The following APOO variants were observed in gnomAD, a reference collection of about 807,000 sequenced individuals.
APOO encodes MICOS complex subunit MIC26.
APOO carries 11 observed loss-of-function variants against 23.1 expected under a neutral mutation model. The observed-to-expected ratio is 0.48, with a 90% CI of 0.30 to 0.79. The LOEUF is 0.79. Among genes scored for constraint, APOO ranks in the 30% least tolerant of loss-of-function variants. The pLI is 0.07. For missense variants in APOO, 160 were observed against 142.7 expected (o/e 1.12, Z -0.62); for synonymous variants, 59 against 54.8 (o/e 1.08, Z -0.34).
intron 4 of APOO, among the ~76,000 whole-genome samples, chrX:23,869,442 G>C (rs1925498533): frequency 9.2e-6 from 1 of 109,169 alleles, no homozygotes; most frequent in African/African-American, 3.3e-5. Context: ...TTTGCTGCTT[G>C]CTCTCTGAAA....
chrX:23,907,714 CG>C lies in APOO; in HGVS notation c.-13del. On this transcript the variant is annotated 5_prime_UTR_variant, in exon 1 of 9. Coordinates refer to ENST00000379226, the MANE Select transcript of APOO (RefSeq NM_024122.5). Reference sequence around the variant, plus strand: ...CTCACCTTGAACATGTCGCTGGCAGCGGAGGCTCCGGCAGGGTCACCCCGGC... The same window carrying C: ...CTCACCTTGAACATGTCGCTGGCAGCGAGGCTCCGGCAGGGTCACCCCGGC... 1 of 1,159,617 alleles carries C rather than the reference CG, an allele frequency of 8.6e-7. No homozygotes were observed.
chrX:23,838,908 T>C (rs1025287144), intron 8 of APOO, among the ~76,000 whole-genome samples: 3 of 112,106 alleles, frequency 2.7e-5, no homozygotes. Context: ...ATTTACCTAA[T>C]TTCCCTTTAT....
intron 7 of APOO, among the ~76,000 whole-genome samples, chrX:23,845,029 A>G (rs930144516): frequency 3.6e-5 from 4 of 111,546 alleles, no homozygotes; most frequent in African/African-American, 1.3e-4. Context: ...GAGCTGGAGT[A>G]ACTTCCCAAG....
chrX:23,868,118 TA>T (rs1288911402), intron 5 of APOO, among the ~76,000 whole-genome samples: 1 of 112,457 alleles, frequency 8.9e-6, no homozygotes. Context: ...TTTTATAATC[TA>T]GCAGTATAGT....
At chrX:23,903,979 C>T (rs1417807256) in intron 1 of APOO, among the ~76,000 whole-genome samples, 1 of 111,282 alleles carries the variant, frequency 9.0e-6, no homozygotes. Context: ...ATCATAGTGT[C>T]CACTTACTTG....
rs146411056 is a variant in APOO, at chrX:23,836,969, A to G, written c.*29+3344T>C. 661 of 1,206,273 alleles carry G rather than the reference A, an allele frequency of 5.5e-4. 2 individuals are homozygous for G. The African/African-American group carries it at 0.011, about 19-fold the overall frequency. On this transcript the variant is annotated intron_variant, in intron 8 of 8. Transcript: ENST00000379226. ...ACCCTGCGGATGTATTTTTCACCCA[A>G]AAAATTTCGGATTTCAACAAGAGAC...
At chrX:23,876,420 C>CAAAAAAAAAAAAA (rs765596295) in intron 3 of APOO, among the ~76,000 whole-genome samples, 1 of 43,330 alleles carries the variant, frequency 2.3e-5, no homozygotes. Context: ...TTGTCTCTAC[C>CAAAAAAAAAAAAA]AAAAAAAAAA....
intron 8 of APOO, chrX:23,837,009 A>T: frequency 8.7e-7 from 1 of 1,155,933 alleles, no homozygotes; most frequent in Non-Finnish European, 1.2e-6. Flanking sequence ...TCTCCTGGAT[A>T]ACAACGTTGA....
At position 23,836,460 on chromosome X, in the gene APOO, G is replaced by A. The variant is rs144013091; in HGVS notation, c.*30-2848C>T. Among the ~76,000 whole-genome samples the A allele has an allele frequency of 4.7e-3, 517 of 111,126 alleles. 4 individuals carry two copies. The highest frequency in any genetic ancestry group is 0.015 in the African/African-American group (473 of 30,665). On this transcript the variant is annotated intron_variant, in intron 8 of 8. Coordinates refer to ENST00000379226, the MANE Select transcript of APOO (RefSeq NM_024122.5). ...CTCCCGAGTAGCTGGGACTACAGGC[G>A]CACGCCACCATGTCTGGCTAATTTT...
At chrX:23,879,250 A>G (rs1428607825) in intron 2 of APOO, among the ~76,000 whole-genome samples, 3 of 111,570 alleles carry the variant, frequency 2.7e-5, no homozygotes, top group African/African-American at 9.8e-5. Flanking sequence ...AGCCTAGCCA[A>G]CATGGCGAAA....
At chrX:23,906,657 GC>G in intron 1 of APOO, among the ~76,000 whole-genome samples, 1 of 112,707 alleles carries the variant, frequency 8.9e-6, no homozygotes, top group Non-Finnish European at 1.9e-5. Context: ...TAAACTGTGA[GC>G]TGCCTGAAAA....
At chrX:23,842,697 C>T (rs1385757933) in intron 7 of APOO, among the ~76,000 whole-genome samples, 1 of 111,115 alleles carries the variant, frequency 9.0e-6, no homozygotes, top group African/African-American at 3.3e-5. Flanking sequence ...GTCCAACAAT[C>T]GGGTCTGGCA....
rs373029808 is a variant in APOO at position 23,858,653 on chromosome X, C to T, written c.469G>A (p.Val157Met). The change falls in exon 6 of 9, where the codon GTG (valine) becomes ATG (methionine). Residue 157 changes from valine to methionine, a missense_variant. Val to Met is a conservative substitution (Grantham distance 21, BLOSUM62 1). Transcript: ENST00000379226. ...AGAGTTTCTCTTACCTGGGCAAACA[C>T]GATGGCTTGTTGTGGATAATAGAGG... Reference protein sequence around the residue: ...ASLYYPQQAIVFAQVSGERLY... With the variant: ...ASLYYPQQAIMFAQVSGERLY... 32 of 1,208,352 alleles carry T rather than the reference C, an allele frequency of 2.6e-5. No homozygotes were observed. Among genetic ancestry groups the T allele is most frequent in the Admixed American group, 8.8e-5 (4 of 45,467 alleles).
At chrX:23,862,775 GAAAGA>G (rs1402421530) in intron 5 of APOO, among the ~76,000 whole-genome samples, 1 of 94,021 alleles carries the variant, frequency 1.1e-5, no homozygotes, top group African/African-American at 4.0e-5. Context: ...TCATCTCTCA[GAAAGA>G]AAAGAGAAGA....
chrX:23,834,081 A>T (rs772095607), intron 8 of APOO, among the ~76,000 whole-genome samples: 52 of 110,241 alleles, frequency 4.7e-4, no homozygotes, highest in African/African-American at 1.4e-3. Context: ...AATTATTCCC[A>T]TTTTAAAGAC....
At position 23,856,317 on chromosome X, in the gene APOO, C is replaced by A. The variant is rs1172747969; in HGVS notation, c.546G>T (p.Lys182Asn). The change falls in exon 7 of 9, where the codon AAG (lysine) becomes AAT (asparagine). Residue 182 changes from lysine to asparagine, a missense_variant. Transcript: ENST00000379226. ...TGCTCCTCACCTTTTGAAAGTTCTC[C>A]TTCCACAAATCTTCTATGACTATAT... ...RGYIVIEDLW[K>N]ENFQKPGNVK... The A allele has an allele frequency of 3.3e-6, 4 of 1,207,748 alleles. No individual in the cohort carries two copies. Among genetic ancestry groups the A allele is most frequent in the Admixed American group, 4.4e-5 (2 of 45,426 alleles).
At chrX:23,877,337 G>A (rs10521916) in intron 3 of APOO, among the ~76,000 whole-genome samples, 3,722 of 112,184 alleles carry the variant, frequency 0.033, 63 homozygotes, top group Middle Eastern at 0.055. Flanking sequence ...TCAATAATAT[G>A]GTTATGATAC....
Position 23,885,774 on chromosome X carries a change from A to G in APOO, c.10-4822T>C, listed in dbSNP as rs184902503. 3.5e-3 allele frequency among the ~76,000 whole-genome samples: 388 copies of G among 111,034 alleles called. 3 individuals are homozygous for G. Among genetic ancestry groups the G allele is most frequent in the African/African-American group, 0.012 (376 of 30,538 alleles). On this transcript the variant is annotated intron_variant, in intron 1 of 8. Coordinates refer to ENST00000379226, the MANE Select transcript of APOO (RefSeq NM_024122.5). ...AAGCCTACCCTGATACCCATTCCAC[A>G]GCAAGAACTGTGGCCACAAGGGTGG... is the stretch of plus-strand genomic sequence containing the variant.
At chrX:23,844,939 C>A (rs1924165177) in intron 7 of APOO, among the ~76,000 whole-genome samples, 1 of 111,916 alleles carries the variant, frequency 8.9e-6, no homozygotes, top group African/African-American at 3.2e-5. Context: ...TAGAGTCCAG[C>A]CATTTCATAT....
Sources: gnomAD v4.1 joint callset for allele counts (sites outside exome capture counted in the v4.1 genomes callset) on GRCh38, gnomAD v4.1.1 for gene constraint, MANE v1.5 for transcripts, NCBI Gene and HGNC (gene_info 2026-07-23, HGNC 2026-07-21) for gene names.